The following CTDP1 variants were observed in gnomAD, a reference collection of about 807,000 sequenced individuals.
CTDP1 encodes CTD phosphatase 1, also known as RNA polymerase II subunit A C-terminal domain phosphatase.
In CTDP1, 47 loss-of-function variants were observed where a neutral mutation model predicts 91.8. The observed-to-expected ratio is 0.51, with a 90% CI of 0.41 to 0.65. The LOEUF is 0.65. Among genes scored for constraint, CTDP1 ranks in the 30% least tolerant of loss-of-function variants. CTDP1 has a pLI of 0.00. For synonymous variants in CTDP1, 656 were observed against 598.5 expected (o/e 1.10, Z -1.40); for missense variants, 1,272 against 1,373.7 (o/e 0.93, Z 1.17).
rs938737792 is a variant in CTDP1, at chr18:79,715,679, G to A, written c.2068+151G>A. On this transcript the variant is annotated intron_variant, in intron 8 of 12. Coordinates refer to ENST00000613122, the MANE Select transcript of CTDP1 (RefSeq NM_004715.5). The stretch of plus-strand genomic sequence containing the variant: ...CTTTTAAGAATAGATCATGACAGTG[G>A]GTGAAATTGGAGTTTGGGCACGTTC... 3.4e-5 allele frequency: 32 copies of A among 931,860 alleles called. No individual in the cohort carries two copies. In the African/African-American group the frequency reaches 4.2e-4, roughly 12 times the overall value. The allele number at this position is 931,860 out of a possible 1,614,324, so 57.7% of individuals were successfully genotyped here.
At chr18:79,719,097 C>A (rs2086280173) in intron 10 of CTDP1, among the ~76,000 whole-genome samples, 1 of 152,236 alleles carries the variant, frequency 6.6e-6, no homozygotes, top group Non-Finnish European at 1.5e-5. Flanking sequence ...GGTGAGAAGG[C>A]CCCGCCAGGC....
At chr18:79,748,371 G>A (rs751446321) in intron 12 of CTDP1, among the ~76,000 whole-genome samples, 10 of 152,224 alleles carry the variant, frequency 6.6e-5, no homozygotes, top group Admixed American at 4.6e-4. Context: ...AGGAGGGACC[G>A]CGCAGGGCCT....
At chr18:79,699,058 G>A (rs760950492) in intron 4 of CTDP1, among the ~76,000 whole-genome samples, 12 of 152,158 alleles carry the variant, frequency 7.9e-5, no homozygotes, top group Non-Finnish European at 1.6e-4. Flanking sequence ...GGAGAGAATC[G>A]AGTAACTGCC....
intron 8 of CTDP1, among the ~76,000 whole-genome samples, chr18:79,716,174 A>G (rs1029935777): frequency 1.3e-5 from 2 of 152,218 alleles, no homozygotes; most frequent in African/African-American, 4.8e-5. Flanking sequence ...TTTTCCGCGA[A>G]TGAAGATTGC....
At position 79,713,182 on chromosome 18, in the gene CTDP1, C is replaced by T. The variant is rs773928546; in HGVS notation, c.1030+44C>T. ...GATTCTCTAGAAGAATTCACATTTG[C>T]TTATTGTTTAGCTCTTCTTATTTCT... On this transcript the variant is annotated intron_variant, in intron 7 of 12. Transcript: ENST00000613122. This position sits in a 1 kb window ranked among gnomAD's most constrained non-coding sequence, Gnocchi z 4.7. 1 of 1,583,026 alleles carries T rather than the reference C, an allele frequency of 6.3e-7. No homozygotes were observed. The highest frequency in any genetic ancestry group is 1.7e-5 in the Admixed American group (1 of 57,942).
chr18:79,697,800 A>G, intron 3 of CTDP1, 60 bp from the exon 4 acceptor site: 2 of 1,608,728 alleles, frequency 1.2e-6, no homozygotes, highest in Non-Finnish European at 1.7e-6. Context: ...GATGAAATGG[A>G]GTTTTACCTT....
intron 11 of CTDP1, among the ~76,000 whole-genome samples, chr18:79,732,267 C>T (rs183826791): frequency 1.5e-4 from 22 of 146,012 alleles, no homozygotes; most frequent in African/African-American, 5.6e-4. Context: ...CCCAAAATCA[C>T]AGACATGAGA....
At chr18:79,743,526 CAAAAAAAAA>C (rs34957550) in intron 12 of CTDP1, among the ~76,000 whole-genome samples, 3 of 109,914 alleles carry the variant, frequency 2.7e-5, no homozygotes, top group African/African-American at 1.1e-4. Context: ...ACTCCGTCTC[CAAAAAAAAA>C]AAAAAAAAAC....
intron 1 of CTDP1, among the ~76,000 whole-genome samples, chr18:79,692,304 A>G (rs2085642400): frequency 6.6e-6 from 1 of 152,144 alleles, no homozygotes; most frequent in South Asian, 2.1e-4. Context: ...TTTTCTGGGC[A>G]CCTTGGTGGG....
intron 3 of CTDP1, among the ~76,000 whole-genome samples, chr18:79,696,534 G>T (rs577695367): frequency 2.0e-5 from 3 of 152,076 alleles, no homozygotes; most frequent in East Asian, 3.9e-4. Context: ...GGGGCGGGGG[G>T]ACGTGGTTGG....
upstream of CTDP1, chr18:79,677,652 CAGG>C (rs1329625008): frequency 6.6e-6 from 1 of 152,292 alleles, no homozygotes; most frequent in Non-Finnish European, 1.5e-5. Context: ...CAGTTGGAAC[CAGG>C]AGTTCATGGG....
At chr18:79,723,648 C>G (rs2086390800) in intron 10 of CTDP1, among the ~76,000 whole-genome samples, 1 of 152,180 alleles carries the variant, frequency 6.6e-6, no homozygotes. Context: ...CCTTTGGACC[C>G]TTTATCCTGT....
At chr18:79,697,752 G>A (rs898932406) in intron 3 of CTDP1, 108 bp from the exon 4 acceptor site, 1 of 1,521,588 alleles carries the variant, frequency 6.6e-7, no homozygotes, top group Non-Finnish European at 9.0e-7. Flanking sequence ...AGCGTGGGGG[G>A]CTGGAGGGGA....
At chr18:79,746,826 GC>G (rs2122870732) in intron 12 of CTDP1, among the ~76,000 whole-genome samples, 1 of 152,216 alleles carries the variant, frequency 6.6e-6, no homozygotes, top group South Asian at 2.1e-4. Context: ...TTCCTTTGTT[GC>G]CCATTGAGAC....
At chr18:79,743,738 A>G (rs1257783009) in intron 12 of CTDP1, among the ~76,000 whole-genome samples, 1 of 152,230 alleles carries the variant, frequency 6.6e-6, no homozygotes, top group Non-Finnish European at 1.5e-5. Context: ...GCATGAGTCC[A>G]AAATTGATTC....
intron 12 of CTDP1, among the ~76,000 whole-genome samples, chr18:79,744,838 A>G (rs2086848042): frequency 6.6e-6 from 1 of 152,180 alleles, no homozygotes; most frequent in Admixed American, 6.5e-5. Context: ...TGGAGGGGCC[A>G]CAGACCAGTC....
intron 11 of CTDP1, among the ~76,000 whole-genome samples, chr18:79,732,794 C>T (rs2086591796): frequency 6.6e-6 from 1 of 150,634 alleles, no homozygotes; most frequent in African/African-American, 2.4e-5. Context: ...CGTAAGAACT[C>T]CCTAACAGGA....
chr18:79,696,835 C>T (rs1386874551), intron 3 of CTDP1, among the ~76,000 whole-genome samples: 1 of 152,202 alleles, frequency 6.6e-6, no homozygotes, highest in Non-Finnish European at 1.5e-5. Context: ...TTGAGGCAGA[C>T]ACCGTCTCCC....
In CTDP1 at chr18:79,695,871, C is replaced by T. The variant is rs558700; in HGVS notation, c.399-106C>T. ...AATCAAGTCTGTGCTAAGATAGCAG[C>T]GTGTGTCCGTTAAAACATCAGCTAG... On this transcript the variant is annotated intron_variant, in intron 2 of 12. Coordinates refer to ENST00000613122, the MANE Select transcript of CTDP1 (RefSeq NM_004715.5). The T allele has an allele frequency of 0.55, 473,451 of 863,594 alleles. 131,477 individuals are homozygous for T. Among genetic ancestry groups the T allele is most frequent in the Middle Eastern group, 0.6 (2,802 of 4,658 alleles). The allele number at this position is 863,594 out of a possible 1,614,324, so 53.5% of individuals were successfully genotyped here.
Sources: gnomAD v4.1 joint callset for allele counts (sites outside exome capture counted in the v4.1 genomes callset) on GRCh38, gnomAD v4.1.1 for gene constraint, Gnocchi (gnomAD v3.1) non-coding constraint, MANE v1.5 for transcripts, NCBI Gene and HGNC (gene_info 2026-07-23, HGNC 2026-07-21) for gene names.